STAG1: variants seen among roughly 807,000 people sequenced by gnomAD.
STAG1 encodes STAG1 cohesin complex component.
In STAG1, 26 loss-of-function variants were observed where a neutral mutation model predicts 170.9. The ratio of observed to expected loss-of-function variants is 0.15; its 90% confidence interval spans 0.11 to 0.21. The LOEUF is 0.21. Among genes scored for constraint, STAG1 ranks in the 10% least tolerant of loss-of-function variants. The pLI, the probability that STAG1 is intolerant of heterozygous loss-of-function variation, is 1.00. For synonymous variants in STAG1, 514 were observed against 497.7 expected, an observed-to-expected ratio of 1.03 and a Z score of -0.44; for missense variants, 964 against 1,509.5, an observed-to-expected ratio of 0.64 and a Z score of 5.99.
At chr3:136,735,550 C>A (rs1469963303) in intron 1 of STAG1, among the ~76,000 whole-genome samples, 3 of 152,254 alleles carry the variant, frequency 2.0e-5, no homozygotes, top group Non-Finnish European at 4.4e-5. Flanking sequence ...GATTCTCATG[C>A]CTCAGCCACC....
At chr3:136,659,043 G>GTTTTACCACTCTT (rs1173953880) in intron 1 of STAG1, among the ~76,000 whole-genome samples, 1 of 152,004 alleles carries the variant, frequency 6.6e-6, no homozygotes, top group Non-Finnish European at 1.5e-5. Context: ...GCTATTCCTG[G>GTTTTACCACTCTT]TTTTACCACT....
At chr3:136,346,723 A>G (rs9832813) in intron 29 of STAG1, among the ~76,000 whole-genome samples, 36,580 of 152,222 alleles carry the variant, frequency 0.24, 4,897 homozygotes, top group Middle Eastern at 0.32. Flanking sequence ...TGTCAAATAA[A>G]TGATTAAATG....
In STAG1 at chr3:136,587,963, C is replaced by CA. The variant is rs879515650; in HGVS notation, c.297+16345dup. 8.7e-4 allele frequency among the ~76,000 whole-genome samples: 132 copies of CA among 151,168 alleles called. 1 individual carries two copies. The Middle Eastern group carries it at 0.01, about 12-fold the overall frequency. ...GGGCAACAAGAGCAAAAGTTTATCT[C>CA]AAAAAAAACAAAACAAAAAAATAGC... On this transcript the variant is annotated intron_variant, in intron 4 of 33. Transcript: ENST00000383202.
intron 1 of STAG1, among the ~76,000 whole-genome samples, chr3:136,725,252 G>A (rs1260424741): frequency 6.6e-6 from 1 of 151,452 alleles, no homozygotes; most frequent in African/African-American, 2.4e-5. Context: ...TCTTCAGTAG[G>A]CAAGAACTAG....
intron 9 of STAG1, among the ~76,000 whole-genome samples, chr3:136,480,922 T>C (rs1263520627): frequency 1.4e-5 from 2 of 145,136 alleles, no homozygotes; most frequent in African/African-American, 5.0e-5. Flanking sequence ...TTTTTGTACA[T>C]TGATTTTGTA....
At chr3:136,636,908 C>T (rs534133720) in intron 1 of STAG1, among the ~76,000 whole-genome samples, 1 of 152,274 alleles carries the variant, frequency 6.6e-6, no homozygotes, top group Middle Eastern at 3.4e-3. Context: ...TCACACAGGG[C>T]ACTCACATAC....
chr3:136,493,864 A>C (rs2090167220), intron 9 of STAG1, among the ~76,000 whole-genome samples: 1 of 152,166 alleles, frequency 6.6e-6, no homozygotes, highest in African/African-American at 2.4e-5. Context: ...CAAAAATTAA[A>C]ACAACTACAA....
intron 23 of STAG1, among the ~76,000 whole-genome samples, chr3:136,372,134 C>T (rs185305257): frequency 3.4e-4 from 51 of 152,172 alleles, no homozygotes; most frequent in Non-Finnish European, 5.7e-4. Flanking sequence ...AATGGGAGTT[C>T]ACTCATGATT....
At chr3:136,437,093 TTGTC>T (rs1388919001) in intron 15 of STAG1, among the ~76,000 whole-genome samples, 1 of 152,238 alleles carries the variant, frequency 6.6e-6, no homozygotes, top group African/African-American at 2.4e-5. Context: ...ACTAAATGCA[TTGTC>T]TGTTATTTAG....
intron 14 of STAG1, among the ~76,000 whole-genome samples, chr3:136,450,062 T>TA (rs1464164846): frequency 6.6e-6 from 1 of 152,118 alleles, no homozygotes; most frequent in African/African-American, 2.4e-5. Context: ...TCCATTCCTC[T>TA]AAAAAACCTA....
At chr3:136,350,640 T>C (rs1249029193) in intron 28 of STAG1, among the ~76,000 whole-genome samples, 2 of 152,180 alleles carry the variant, frequency 1.3e-5, no homozygotes, top group East Asian at 1.9e-4. Context: ...GTCCATGCCA[T>C]CCAAATTCTG....
chr3:136,466,671 C>T (rs949302646), intron 12 of STAG1, among the ~76,000 whole-genome samples: 7 of 151,916 alleles, frequency 4.6e-5, no homozygotes, highest in South Asian at 2.1e-4. Flanking sequence ...AGATACTCCT[C>T]GAGAAGAGCA....
intron 9 of STAG1, among the ~76,000 whole-genome samples, chr3:136,498,235 C>T (rs868543613): frequency 0.12 from 4,130 of 34,412 alleles, 388 homozygotes; most frequent in African/African-American, 0.27. Context: ...TATATATATA[C>T]ACATACATAT....
intron 12 of STAG1, among the ~76,000 whole-genome samples, chr3:136,466,608 A>G (rs1022467341): frequency 6.6e-6 from 1 of 152,200 alleles, no homozygotes; most frequent in Non-Finnish European, 1.5e-5. Flanking sequence ...AACTTCCCCA[A>G]TCTAGCAAGG....
At chr3:136,615,447 A>T (rs1939540762) in intron 3 of STAG1, among the ~76,000 whole-genome samples, 1 of 148,972 alleles carries the variant, frequency 6.7e-6, no homozygotes, top group South Asian at 2.1e-4. Context: ...AAAAAAAAAA[A>T]AAAAGGAGTG....
intron 3 of STAG1, among the ~76,000 whole-genome samples, chr3:136,615,423 C>CAA (rs1559911102): frequency 7.3e-5 from 2 of 27,298 alleles, no homozygotes; most frequent in Admixed American, 5.6e-4. Context: ...AAGACTTTGT[C>CAA]CAAAAAAAAA....
intron 7 of STAG1, among the ~76,000 whole-genome samples, chr3:136,514,001 CAT>C (rs1440241858): frequency 6.6e-6 from 1 of 152,014 alleles, no homozygotes; most frequent in African/African-American, 2.4e-5. Flanking sequence ...CACAAGTACA[CAT>C]GACAAAGAAA....
intron 1 of STAG1, among the ~76,000 whole-genome samples, 163 bp from the exon 2 acceptor site, chr3:136,631,144 C>T (rs1421481821): frequency 6.6e-6 from 1 of 152,168 alleles, no homozygotes; most frequent in Non-Finnish European, 1.5e-5. Context: ...TTATTCATAA[C>T]TGCCAAAACT....
chr3:136,475,212 T>C (rs904086417), intron 10 of STAG1, among the ~76,000 whole-genome samples: 15 of 149,218 alleles, frequency 1.0e-4, no homozygotes, highest in Non-Finnish European at 1.5e-5. Flanking sequence ...AGTGGTGTGA[T>C]TTCAGCTCAC....
Sources: gnomAD v4.1 joint callset for allele counts (sites outside exome capture counted in the v4.1 genomes callset) on GRCh38, gnomAD v4.1.1 for gene constraint, MANE v1.5 for transcripts, NCBI Gene and HGNC (gene_info 2026-07-23, HGNC 2026-07-21) for gene names.